The following ELAVL2 variants were observed in gnomAD, a reference collection of about 807,000 sequenced individuals.
The protein encoded by ELAVL2 is ELAV-like protein 2.
In ELAVL2, 4 loss-of-function variants were observed where a neutral mutation model predicts 34.6. The observed-to-expected ratio is 0.12, with a 90% CI of 0.06 to 0.26. The LOEUF is 0.26. ELAVL2 is among the 10% of genes least tolerant of loss of function. The probability of loss-of-function intolerance (pLI) is 1.00; values close to 1 mark genes in which losing one functional copy is unlikely to be tolerated. For missense variants in ELAVL2, 432 were observed against 442.8 expected, an observed-to-expected ratio of 0.98 and a Z score of 0.22; for synonymous variants, 193 against 154.8, an observed-to-expected ratio of 1.25 and a Z score of -1.83.
chr9:23,838,300 A>G, the ELAVL2 span, among the ~76,000 whole-genome samples: 1 of 152,026 alleles, frequency 6.6e-6, no homozygotes, highest in Non-Finnish European at 1.5e-5. Flanking sequence ...TTATTGTTTC[A>G]GAAAGAAAAA....
chr9:23,823,926 C>A (rs915809272), intron 1 of ELAVL2, among the ~76,000 whole-genome samples: 2 of 152,148 alleles, frequency 1.3e-5, no homozygotes, highest in Non-Finnish European at 2.9e-5. Flanking sequence ...TCCCTCCCAC[C>A]CCCAGAGGAT....
chr9:23,738,205 C>T (rs992858505), intron 2 of ELAVL2, among the ~76,000 whole-genome samples: 3 of 152,202 alleles, frequency 2.0e-5, no homozygotes, highest in African/African-American at 7.2e-5. Flanking sequence ...ATCTGATACA[C>T]AGCAAAACCA....
At chr9:23,743,399 G>A (rs921225042) in intron 2 of ELAVL2, among the ~76,000 whole-genome samples, 1 of 152,038 alleles carries the variant, frequency 6.6e-6, no homozygotes, top group Admixed American at 6.5e-5. Context: ...TAAAATTCAC[G>A]GATACTTTGA....
intron 1 of ELAVL2, among the ~76,000 whole-genome samples, chr9:23,765,666 C>T (rs2056078325): frequency 6.6e-6 from 1 of 152,142 alleles, no homozygotes; most frequent in South Asian, 2.1e-4. Context: ...TATTTTGCCA[C>T]TACAGTCAAA....
chr9:23,697,683 G>A lies in ELAVL2; in HGVS notation c.713+3696C>T, dbSNP rs185141367. Among the ~76,000 whole-genome samples, 11 of 151,928 alleles carry A rather than the reference G, an allele frequency of 7.2e-5. No homozygotes were observed. In the East Asian group the frequency reaches 1.9e-3, roughly 27 times the overall value. On this transcript the variant is annotated intron_variant, in intron 5 of 6. Transcript: ENST00000397312. ...TCAGATCATTCCTATTTTAAAGCTA[G>A]GTGTTCATAAGTAGAAAATAAAAAT...
At chr9:23,729,348 T>C (rs1019487587) in intron 3 of ELAVL2, among the ~76,000 whole-genome samples, 4 of 151,988 alleles carry the variant, frequency 2.6e-5, no homozygotes, top group African/African-American at 9.7e-5. Context: ...TCAATATAAA[T>C]TGAGGAAAAG....
intron 1 of ELAVL2, among the ~76,000 whole-genome samples, chr9:23,794,633 G>A (rs1304020082): frequency 6.6e-6 from 1 of 152,120 alleles, no homozygotes; most frequent in East Asian, 1.9e-4. Context: ...AACTACATTA[G>A]TCAAACCAGA....
At chr9:23,831,121 G>C (rs1210189705), upstream of ELAVL2, among the ~76,000 whole-genome samples, 1 of 152,178 alleles carries the variant, frequency 6.6e-6, no homozygotes, top group Admixed American at 6.5e-5. Context: ...CCTTTACCGG[G>C]ACCTGGGAAG....
At chr9:23,818,652 A>G (rs1002192594) in intron 1 of ELAVL2, among the ~76,000 whole-genome samples, 2 of 152,216 alleles carry the variant, frequency 1.3e-5, no homozygotes, top group African/African-American at 4.8e-5. Context: ...AAACCAAGCT[A>G]AGTACCACAG....
intron 1 of ELAVL2, among the ~76,000 whole-genome samples, chr9:23,786,938 A>G (rs2059764707): frequency 6.6e-6 from 1 of 152,188 alleles, no homozygotes; most frequent in East Asian, 1.9e-4. Flanking sequence ...GAAGTTTTTC[A>G]TGTCCAATAT....
intron 1 of ELAVL2, among the ~76,000 whole-genome samples, chr9:23,798,577 T>C (rs568618072): frequency 6.6e-6 from 1 of 152,320 alleles, no homozygotes; most frequent in Non-Finnish European, 1.5e-5. Flanking sequence ...ACCACTTCTA[T>C]GCCATACCCT....
At chr9:23,742,652 T>C (rs970520985) in intron 2 of ELAVL2, among the ~76,000 whole-genome samples, 15 of 152,176 alleles carry the variant, frequency 9.9e-5, no homozygotes, top group African/African-American at 3.6e-4. Flanking sequence ...ATTCCTTTTA[T>C]ATCAAAAAGA....
At chr9:23,701,885 G>A (rs928873934) in intron 4 of ELAVL2, among the ~76,000 whole-genome samples, 40 of 152,170 alleles carry the variant, frequency 2.6e-4, no homozygotes, top group African/African-American at 9.2e-4. Flanking sequence ...ACACAAGCAT[G>A]TCCATGTTTT....
At chr9:23,849,832 G>C in the ELAVL2 span, 1 of 152,042 alleles carries the variant, frequency 6.6e-6, no homozygotes, top group African/African-American at 2.4e-5. Context: ...TTGTGTGTGA[G>C]GATTCCCCTT....
At chr9:23,757,690 A>G (rs932566455) in intron 2 of ELAVL2, among the ~76,000 whole-genome samples, 71 of 152,204 alleles carry the variant, frequency 4.7e-4, no homozygotes, top group African/African-American at 1.7e-3. Flanking sequence ...ATGAATGCCT[A>G]TAGATAGGAA....
chr9:23,706,522 A>C (rs560433153), intron 3 of ELAVL2, among the ~76,000 whole-genome samples: 47 of 152,266 alleles, frequency 3.1e-4, no homozygotes, highest in African/African-American at 1.1e-3. Context: ...ATCTTTGCCA[A>C]CATTTAGTCT....
chr9:23,816,332 A>G (rs2063709762), intron 1 of ELAVL2, among the ~76,000 whole-genome samples: 1 of 149,176 alleles, frequency 6.7e-6, no homozygotes, highest in Non-Finnish European at 1.5e-5. Flanking sequence ...AAAAAAAAAA[A>G]AAAAAAAAAA....
chr9:23,721,933 T>G (rs936221669), intron 3 of ELAVL2, among the ~76,000 whole-genome samples: 2 of 152,180 alleles, frequency 1.3e-5, no homozygotes, highest in Non-Finnish European at 2.9e-5. Flanking sequence ...TACTAGTAGT[T>G]AGGTTTTTGA....
At chr9:23,810,121 C>A (rs946759189) in intron 1 of ELAVL2, among the ~76,000 whole-genome samples, 2 of 152,010 alleles carry the variant, frequency 1.3e-5, no homozygotes, top group African/African-American at 2.4e-5. Flanking sequence ...TCACTTTCAC[C>A]TTTTTCTTGA....
Sources: allele counts gnomAD v4.1 joint callset (sites outside exome capture counted in the v4.1 genomes callset), GRCh38; gene constraint gnomAD v4.1.1; transcripts MANE v1.5; gene names NCBI Gene and HGNC (gene_info 2026-07-23, HGNC 2026-07-21).